Variants in ACIN1 observed in about 807,000 individuals in gnomAD.
The protein encoded by ACIN1 is apoptotic chromatin condensation inducer 1, also known as apoptotic chromatin condensation inducer in the nucleus.
In ACIN1, 16 loss-of-function variants were observed where a neutral mutation model predicts 146.6. The observed-to-expected ratio is 0.11, with a 90% CI of 0.07 to 0.17. ACIN1 has a LOEUF of 0.17. ACIN1 is among the 10% of genes least tolerant of loss of function. The probability of loss-of-function intolerance (pLI) is 1.00; values close to 1 mark genes in which losing one functional copy is unlikely to be tolerated. For synonymous variants in ACIN1, 569 were observed against 582.7 expected, an observed-to-expected ratio of 0.98 and a Z score of 0.34; for missense variants, 1,357 against 1,609.3, an observed-to-expected ratio of 0.84 and a Z score of 2.68.
Position 23,058,807 on chromosome 14 carries a change from T to TA in ACIN1, c.*340dup, listed in dbSNP as rs1355151988. The TA allele has an allele frequency of 9.1e-6, 3 of 328,790 alleles. No individual in the cohort carries two copies. Among genetic ancestry groups the TA allele is most frequent in the Non-Finnish European group, 1.7e-5 (3 of 176,308 alleles). The allele number at this position is 328,790 out of a possible 1,614,324, so 20.4% of individuals were successfully genotyped here. On this transcript the variant is annotated 3_prime_UTR_variant, in exon 19 of 19. Coordinates refer to ENST00000605057, the MANE Select transcript of ACIN1 (RefSeq NM_001386863.1). ...CCCGGCTGTTCCCAAGAGAAGGCTG[T>TA]AAGTACCCAGGGAGGTGGTAAGCAG...
chr14:23,094,888 G>C (rs1205329166), intron 1 of ACIN1, 87 bp downstream of exon 1: 3 of 1,492,124 alleles, frequency 2.0e-6, no homozygotes, highest in Non-Finnish European at 2.7e-6. Flanking sequence ...CTCGCGCCGA[G>C]CCCGGATACT....
intron 4 of ACIN1, among the ~76,000 whole-genome samples, chr14:23,087,772 C>A (rs1458962724): frequency 6.6e-6 from 1 of 152,032 alleles, no homozygotes; most frequent in African/African-American, 2.4e-5. Flanking sequence ...CCTCATCTAC[C>A]TTTTAAATTG....
At chr14:23,083,470 C>T (rs1299320308) in intron 4 of ACIN1, among the ~76,000 whole-genome samples, 3 of 152,182 alleles carry the variant, frequency 2.0e-5, no homozygotes, top group East Asian at 1.9e-4. Flanking sequence ...CGGTGGCTCA[C>T]GCCTGTAATC....
Position 23,059,192 on chromosome 14 carries a change from G to C in ACIN1, c.3808C>G (p.Arg1270Gly). ...TCCCGCACAGGTGTGCTCCGACTCC[G>C]GCTTCTGCTGTGGCGCTTGGTGTCC... ...RRDTKRHSRS[R>G]SRSTPVRDRG... Residue 1270 changes from arginine to glycine, a missense_variant, in exon 19 of 19, where the codon CGG becomes GGG. By Grantham distance (125) the Arg-to-Gly change is moderately radical. Around this residue, in one of 4 missense-constraint regions of ACIN1, gnomAD observed 509 missense variants for 719.6 expected, o/e 0.71. Transcript: ENST00000605057. The C allele has an allele frequency of 6.2e-7, 1 of 1,613,944 alleles. No homozygotes were observed. Among genetic ancestry groups the C allele is most frequent in the Non-Finnish European group, 8.5e-7 (1 of 1,179,994 alleles).
chr14:23,081,070 T>TC (rs1445160896), intron 5 of ACIN1, among the ~76,000 whole-genome samples: 2 of 151,944 alleles, frequency 1.3e-5, no homozygotes, highest in East Asian at 1.9e-4. Context: ...TTTTTTTTTT[T>TC]CAGTAAAATA....
rs111474630 is a variant in ACIN1, at chr14:23,059,590, G to C, written c.3526-116C>G. 3,433 of 749,330 alleles carry C rather than the reference G, an allele frequency of 4.6e-3. 81 individuals are homozygous for C. In the African/African-American group the frequency reaches 0.051, roughly 11 times the overall value. 46.4% of individuals were successfully genotyped at this position (749,330 alleles called of 1,614,324 possible). Reference sequence around the variant, plus strand: ...CAGCTTTTCAGTTAAACAGGAAGGGGTTGGGGGCTCAACAACTGCATCCTG... The same window carrying C: ...CAGCTTTTCAGTTAAACAGGAAGGGCTTGGGGGCTCAACAACTGCATCCTG... On this transcript the variant is annotated intron_variant, in intron 18 of 18. Transcript: ENST00000605057.
At chr14:23,073,967 C>A (rs1017853793) in intron 8 of ACIN1, among the ~76,000 whole-genome samples, 1 of 151,176 alleles carries the variant, frequency 6.6e-6, no homozygotes, top group African/African-American at 2.4e-5. Flanking sequence ...GCCTCCCGAG[C>A]AGCTGGGACT....
chr14:23,095,324 C>G, upstream of ACIN1: 1 of 1,559,750 alleles, frequency 6.4e-7, no homozygotes, highest in East Asian at 2.3e-5. Flanking sequence ...CCTGCAGCGC[C>G]CCTTTTCTCG....
rs947176969 is a variant in ACIN1 at position 23,068,738 on chromosome 14, T to TCACCGG, written c.2265+732_2265+737dup. 2.1e-5 allele frequency: 21 copies of TCACCGG among 985,410 alleles called. No homozygotes were observed. The highest frequency in any genetic ancestry group is 2.4e-5 in the Non-Finnish European group (20 of 829,992). The allele number at this position is 985,410 out of a possible 1,614,324, so 61.0% of individuals were successfully genotyped here. A position where few individuals can be genotyped will look rare whatever the true frequency, so the allele number is the denominator to read the frequency against. ...TAATATTCTGCACATCAAATCACTTTCACCGGCCCCCACCCCCGCAACACA... is the reference window on the plus strand; with the variant it reads ...TAATATTCTGCACATCAAATCACTTTCACCGGCACCGGCCCCCACCCCCGCAACACA... On this transcript the variant is annotated intron_variant, in intron 9 of 18. Transcript: ENST00000605057. This position sits in a 1 kb window ranked among gnomAD's most constrained non-coding sequence, Gnocchi z 4.3.
chr14:23,069,448 C>T (rs372981189), intron 9 of ACIN1, 28 bp downstream of exon 9: 46 of 1,607,838 alleles, frequency 2.9e-5, no homozygotes, highest in African/African-American at 2.0e-4. Context: ...CCTGCCCACC[C>T]GCCCCAATAG....
intron 8 of ACIN1, chr14:23,071,617 G>A: frequency 6.7e-7 from 1 of 1,486,416 alleles, no homozygotes; most frequent in Non-Finnish European, 9.0e-7. Context: ...CAGCAGGGGA[G>A]GGGAAAGAAA....
rs759714409 is a variant in ACIN1, at chr14:23,080,593, C to T, written c.742G>A (p.Glu248Lys). ...ACTCTAGGTATCTCTTCCCCTTCTT[C>T]CTTAAACTCTTTCAGGATTGGTGCC... ...REAPILKEFK[E>K]EGEEIPRVKP... The change falls in exon 6 of 19, where the codon GAA becomes AAA. Residue 248 changes from glutamate (E) to lysine (K), a missense_variant. This residue lies in a region of ACIN1 where 771 missense variants were observed against 746.6 expected (regional missense o/e 1.03). Transcript: ENST00000605057. The T allele has an allele frequency of 6.2e-7, 1 of 1,614,104 alleles. No individual in the cohort carries two copies. Among genetic ancestry groups the T allele is most frequent in the East Asian group, 2.2e-5 (1 of 44,868 alleles).
At chr14:23,073,973 G>C (rs979913994) in intron 8 of ACIN1, among the ~76,000 whole-genome samples, 1 of 151,230 alleles carries the variant, frequency 6.6e-6, no homozygotes, top group African/African-American at 2.4e-5. Flanking sequence ...CGAGCAGCTG[G>C]GACTACAGGC....
chr14:23,073,855 T>C (rs2047728988), intron 8 of ACIN1, among the ~76,000 whole-genome samples: 1 of 150,920 alleles, frequency 6.6e-6, no homozygotes, highest in Non-Finnish European at 1.5e-5. Context: ...TTTTTTTTTT[T>C]TGAGACGGAG....
chr14:23,079,735 T>G lies in ACIN1; in HGVS notation c.1600A>C (p.Arg534=), dbSNP rs1318611025. Residue 534 remains arginine (R), a synonymous_variant, in exon 6 of 19, where the codon AGA becomes CGA. Coordinates refer to ENST00000605057, the MANE Select transcript of ACIN1 (RefSeq NM_001386863.1). The part of the protein sequence containing the change: ...SSSSSSSSRS[R]SRSPDSSGSR... ...CCTGAACTGTCAGGAGAGCGAGATC[T>G]TGATCTAGAACTGGAGGAGGAAGAT... The G allele has an allele frequency of 5.0e-6, 8 of 1,614,114 alleles. No individual in the cohort carries two copies. The highest frequency in any genetic ancestry group is 1.3e-5 in the African/African-American group (1 of 75,024).
intron 4 of ACIN1, among the ~76,000 whole-genome samples, 178 bp downstream of exon 4, chr14:23,089,804 A>G (rs1017679879): frequency 3.3e-5 from 5 of 152,244 alleles, no homozygotes; most frequent in African/African-American, 1.2e-4. Context: ...CACAATATAT[A>G]GGTGAAAGCA....
Position 23,072,611 on chromosome 14 carries a change from T to C in ACIN1, c.2124-2994A>G, listed in dbSNP as rs113888993. Among the ~76,000 whole-genome samples, 100 of 152,334 alleles carry C rather than the reference T, an allele frequency of 6.6e-4. 3 individuals are homozygous for C. The highest frequency in any genetic ancestry group is 3.4e-3 in the Middle Eastern group (1 of 294). On this transcript the variant is annotated intron_variant, in intron 8 of 18. Coordinates refer to ENST00000605057, the MANE Select transcript of ACIN1 (RefSeq NM_001386863.1). ...ATTTGTTGACTGCAGAGATGTTCCT[T>C]TTGTGTCCTAGTGGCAGTAGAAGTT...
In ACIN1 at chr14:23,080,231, TGGA is replaced by T. The variant is rs755624911; in HGVS notation, c.1101_1103del (p.Pro370del). On this transcript the variant is annotated inframe_deletion, in exon 6 of 19. Transcript: ENST00000605057. Reference sequence around the variant, plus strand: ...CGCTATGGAGCTGTGGATGAGGTGGTGGAGAAGATGCTTCCTTTGTTAGTAAAG... The same window carrying T: ...CGCTATGGAGCTGTGGATGAGGTGGTGAAGATGCTTCCTTTGTTAGTAAAG... 167 of 1,614,056 alleles carry T rather than the reference TGGA, an allele frequency of 1.0e-4. No individual in the cohort carries two copies. The highest frequency in any genetic ancestry group is 1.4e-4 in the Non-Finnish European group (163 of 1,180,022).
chr14:23,069,432 T>A, intron 9 of ACIN1, 44 bp downstream of exon 9: 1 of 1,598,146 alleles, frequency 6.3e-7, no homozygotes, highest in South Asian at 1.1e-5. Context: ...TTCCCCTAGG[T>A]CCATTCCTGC....
Sources: gnomAD v4.1 joint callset for allele counts (sites outside exome capture counted in the v4.1 genomes callset) on GRCh38, gnomAD v4.1.1 for gene constraint, gnomAD v4.1.1 regional missense constraint, Gnocchi (gnomAD v3.1) non-coding constraint, MANE v1.5 for transcripts, NCBI Gene and HGNC (gene_info 2026-07-23, HGNC 2026-07-21) for gene names.